The following GAB2 variants were observed in gnomAD, a reference collection of about 807,000 sequenced individuals.
GAB2 encodes the protein GRB2 associated binding protein 2, also known as GRB2-associated-binding protein 2.
GAB2 carries 26 observed loss-of-function variants against 65.5 expected under a neutral mutation model. The ratio of observed to expected loss-of-function variants is 0.40; its 90% CI spans 0.29 to 0.55. The LOEUF is 0.55. Ranked by LOEUF, GAB2 falls within the 20% of genes least tolerant of loss-of-function variation. GAB2 has a pLI of 0.53. For synonymous variants in GAB2, 321 were observed against 329.6 expected (o/e 0.97, Z 0.28); for missense variants, 884 against 875.8 (o/e 1.01, Z -0.12).
intron 1 of GAB2, among the ~76,000 whole-genome samples, chr11:78,374,951 G>A (rs540509221): frequency 6.6e-6 from 1 of 152,310 alleles, no homozygotes; most frequent in South Asian, 2.1e-4. Context: ...TTTAATTGTA[G>A]CATGTAACGA....
rs71046967 is a variant in GAB2, at chr11:78,346,674, C to CAT, written c.76-65775_76-65774dup. Among the ~76,000 whole-genome samples, 491 of 54,712 alleles carry CAT rather than the reference C, an allele frequency of 9.0e-3. 2 individuals carry two copies. The highest frequency in any genetic ancestry group is 0.015 in the East Asian group (17 of 1,098). The allele number at this position is 54,712 out of a possible 152,430, so 35.9% of individuals were successfully genotyped here. On this transcript the variant is annotated intron_variant, in intron 1 of 9. Coordinates refer to ENST00000361507, the MANE Select transcript of GAB2 (RefSeq NM_080491.3). The stretch of plus-strand genomic sequence containing the variant: ...TGGGCTGTTCTGTTTACATCCCCTC[C>CAT]ATATATATATATATATATATATATA...
At chr11:78,267,861 A>AAAAAAAAAAAAAAAAAC (rs1865909434) in intron 2 of GAB2, among the ~76,000 whole-genome samples, 1 of 149,076 alleles carries the variant, frequency 6.7e-6, no homozygotes, top group Non-Finnish European at 1.5e-5. Context: ...CCGTCTCAAA[A>AAAAAAAAAAAAAAAAAC]AAAAAAAAAA....
chr11:78,254,820 GAAAA>G (rs879774075), intron 2 of GAB2, among the ~76,000 whole-genome samples: 1 of 144,376 alleles, frequency 6.9e-6, no homozygotes, highest in African/African-American at 2.6e-5. Context: ...AAAGAAAAAA[GAAAA>G]AAAAAAGTAT....
intron 3 of GAB2, among the ~76,000 whole-genome samples, chr11:78,246,917 G>A (rs1472578081): frequency 2.0e-5 from 3 of 152,154 alleles, no homozygotes; most frequent in East Asian, 3.8e-4. Context: ...TGTTGCACTC[G>A]ATTCGGTTTG....
chr11:78,321,173 T>A (rs151090178), intron 1 of GAB2, among the ~76,000 whole-genome samples: 54 of 152,252 alleles, frequency 3.5e-4, no homozygotes, highest in African/African-American at 1.2e-3. Context: ...ACTGAAGCCA[T>A]GGGGGTGGAT....
At chr11:78,388,606 G>A (rs546552411) in intron 1 of GAB2, among the ~76,000 whole-genome samples, 4 of 150,320 alleles carry the variant, frequency 2.7e-5, no homozygotes, top group Admixed American at 6.6e-5. Flanking sequence ...GGGATTACAG[G>A]TGTGAGCCAC....
intron 1 of GAB2, among the ~76,000 whole-genome samples, chr11:78,375,934 G>A (rs1460349000): frequency 6.6e-6 from 1 of 152,164 alleles, no homozygotes; most frequent in Non-Finnish European, 1.5e-5. Context: ...CCACCCTTCT[G>A]CCAAATCACC....
intron 1 of GAB2, among the ~76,000 whole-genome samples, chr11:78,323,910 C>A (rs1320792768): frequency 6.7e-6 from 1 of 149,690 alleles, no homozygotes; most frequent in East Asian, 2.0e-4. Flanking sequence ...CAATTTTCCT[C>A]CCTCAGCCTC....
At chr11:78,239,307 A>G (rs1321505804) in intron 3 of GAB2, among the ~76,000 whole-genome samples, 4 of 151,858 alleles carry the variant, frequency 2.6e-5, no homozygotes, top group African/African-American at 9.7e-5. Context: ...TGCAACCTCC[A>G]CCTCCTGGGT....
chr11:78,223,312 A>G lies in GAB2; in HGVS notation c.1567+100T>C, dbSNP rs991626624. ...CTCAGATTTTACATGATTTGCCCCAAGTCACACCTCTCAAGTCCAGGATCC... is the reference window on the plus strand; with the variant it reads ...CTCAGATTTTACATGATTTGCCCCAGGTCACACCTCTCAAGTCCAGGATCC... On this transcript the variant is annotated intron_variant, in intron 6 of 9. Coordinates refer to ENST00000361507, the MANE Select transcript of GAB2 (RefSeq NM_080491.3). The G allele has an allele frequency of 5.1e-6, 5 of 976,134 alleles. No individual in the cohort carries two copies. The East Asian group carries it at 1.4e-4, about 27-fold the overall frequency. The allele number at this position is 976,134 out of a possible 1,614,324, so 60.5% of individuals were successfully genotyped here.
chr11:78,400,356 G>A (rs549498395), intron 1 of GAB2, among the ~76,000 whole-genome samples: 1 of 152,122 alleles, frequency 6.6e-6, no homozygotes, highest in African/African-American at 2.4e-5. Context: ...TCCATATAAG[G>A]GCATCATTCT....
At chr11:78,237,283 A>G (rs1865007762) in intron 3 of GAB2, among the ~76,000 whole-genome samples, 1 of 152,258 alleles carries the variant, frequency 6.6e-6, no homozygotes, top group Admixed American at 6.5e-5. Flanking sequence ...ACTGGAAACA[A>G]TCTAAATGCT....
At chr11:78,339,192 C>T (rs1342473748) in intron 1 of GAB2, among the ~76,000 whole-genome samples, 1 of 152,142 alleles carries the variant, frequency 6.6e-6, no homozygotes, top group Non-Finnish European at 1.5e-5. Context: ...TCCCAAAGTG[C>T]TGAGATTACA....
At chr11:78,248,589 T>C (rs530579071) in intron 3 of GAB2, among the ~76,000 whole-genome samples, 10 of 152,368 alleles carry the variant, frequency 6.6e-5, no homozygotes, top group Middle Eastern at 3.4e-3. Flanking sequence ...CAGTTGTCTA[T>C]GTAGTAGAAG....
chr11:78,323,998 A>G (rs1272433047), intron 1 of GAB2, among the ~76,000 whole-genome samples: 1 of 151,740 alleles, frequency 6.6e-6, no homozygotes, highest in Non-Finnish European at 1.5e-5. Flanking sequence ...GGGTTTTGCC[A>G]TGTGGGCCAG....
At chr11:78,404,343 G>A (rs1021073799) in intron 1 of GAB2, among the ~76,000 whole-genome samples, 1 of 152,200 alleles carries the variant, frequency 6.6e-6, no homozygotes. Context: ...AGGAGTTCGA[G>A]ATGAGCCTGG....
chr11:78,328,524 G>A (rs1304910448), intron 1 of GAB2, among the ~76,000 whole-genome samples: 2 of 152,086 alleles, frequency 1.3e-5, no homozygotes, highest in Non-Finnish European at 1.5e-5. Flanking sequence ...AACGGCACAG[G>A]CATCCATCCG....
chr11:78,290,039 T>A lies in GAB2; in HGVS notation c.76-9138A>T, dbSNP rs549301393. On this transcript the variant is annotated intron_variant, in intron 1 of 9. Transcript: ENST00000361507. ...TGTAACGGGGAGCCATTGAAGAGTA[T>A]AGATCAGCAGAGAAATGTTAACCAA... 1.2e-3 allele frequency among the ~76,000 whole-genome samples: 177 copies of A among 152,054 alleles called. 1 individual carries two copies. The highest frequency in any genetic ancestry group is 4.0e-3 in the African/African-American group (167 of 41,482).
chr11:78,387,014 C>G (rs950189170), intron 1 of GAB2, among the ~76,000 whole-genome samples: 1 of 152,048 alleles, frequency 6.6e-6, no homozygotes, highest in Non-Finnish European at 1.5e-5. Flanking sequence ...TTAAACAAAA[C>G]GTTGTTACCA....
Sources: allele counts gnomAD v4.1 joint callset (sites outside exome capture counted in the v4.1 genomes callset), GRCh38; gene constraint gnomAD v4.1.1; transcripts MANE v1.5; gene names NCBI Gene and HGNC (gene_info 2026-07-23, HGNC 2026-07-21).